The following DLGAP2 variants were observed in gnomAD, a reference collection of about 807,000 sequenced individuals.
DLGAP2 encodes the protein DLG associated protein 2.
A neutral mutation model predicts 100.3 loss-of-function variants in DLGAP2; 26 were observed. The observed-to-expected ratio is 0.26, with a 90% CI of 0.19 to 0.36. The LOEUF is 0.36. DLGAP2 is among the 10% of genes least tolerant of loss of function. The pLI, the probability that DLGAP2 is intolerant of heterozygous loss-of-function variation, is 1.00. For missense variants in DLGAP2, 1,858 were observed against 1,453.2 expected, an observed-to-expected ratio of 1.28 and a Z score of -4.53; for synonymous variants, 886 against 630.1, an observed-to-expected ratio of 1.41 and a Z score of -6.08.
intron 2 of DLGAP2, among the ~76,000 whole-genome samples, chr8:1,236,975 G>A (rs1445295070): frequency 1.9e-3 from 272 of 141,540 alleles, no homozygotes; most frequent in African/African-American, 5.7e-3. Context: ...ACATGGTGCC[G>A]TGTCTAGTTC....
chr8:1,571,306 C>T (rs1971655), intron 6 of DLGAP2, among the ~76,000 whole-genome samples: 56,078 of 91,120 alleles, frequency 0.62, 14,703 homozygotes, highest in Middle Eastern at 0.72. Context: ...GTGAACTGTG[C>T]GGGCATCTGA....
At chr8:937,039 T>C (rs1799087749) in intron 2 of DLGAP2, among the ~76,000 whole-genome samples, 1 of 152,190 alleles carries the variant, frequency 6.6e-6, no homozygotes, top group Non-Finnish European at 1.5e-5. Context: ...ACAGAGGTCT[T>C]GCCATGATGG....
intron 2 of DLGAP2, among the ~76,000 whole-genome samples, chr8:1,206,777 C>T (rs1314326875): frequency 6.6e-6 from 1 of 152,234 alleles, no homozygotes; most frequent in Non-Finnish European, 1.5e-5. Flanking sequence ...TCTGCCATCG[C>T]TGCTACCATT....
chr8:1,160,797 G>C (rs1369729310), intron 2 of DLGAP2, among the ~76,000 whole-genome samples: 1 of 152,088 alleles, frequency 6.6e-6, no homozygotes, highest in African/African-American at 2.4e-5. Flanking sequence ...AGCCTGGCAG[G>C]GATGGTTTTT....
At chr8:1,268,704 C>T (rs1437186766) in intron 3 of DLGAP2, among the ~76,000 whole-genome samples, 3 of 152,222 alleles carry the variant, frequency 2.0e-5, no homozygotes, top group African/African-American at 7.2e-5. Flanking sequence ...TTACATGTCT[C>T]TGCAGAAGCC....
At chr8:744,256 G>C (rs1240038651) in intron 1 of DLGAP2, among the ~76,000 whole-genome samples, 1 of 152,088 alleles carries the variant, frequency 6.6e-6, no homozygotes, top group African/African-American at 2.4e-5. Context: ...GGTTGGGAAG[G>C]TTTCTCTGTG....
At chr8:849,125 G>C (rs2055513) in intron 1 of DLGAP2, among the ~76,000 whole-genome samples, 20,158 of 151,302 alleles carry the variant, frequency 0.13, 1,947 homozygotes, top group East Asian at 0.52. Flanking sequence ...GTCTGTTCTG[G>C]TATAGGATCA....
chr8:759,434 G>A (rs946085144), intron 1 of DLGAP2, among the ~76,000 whole-genome samples: 7 of 152,062 alleles, frequency 4.6e-5, no homozygotes, highest in East Asian at 1.9e-4. Context: ...GTTGGGACAC[G>A]TTCCCGGGGT....
chr8:1,205,991 A>T (rs979666509), intron 2 of DLGAP2, among the ~76,000 whole-genome samples: 2 of 152,322 alleles, frequency 1.3e-5, no homozygotes, highest in South Asian at 4.2e-4. Context: ...CATCTCAAGG[A>T]AACAAAAGTG....
At chr8:1,290,641 G>C (rs1247319205) in intron 3 of DLGAP2, among the ~76,000 whole-genome samples, 1 of 152,212 alleles carries the variant, frequency 6.6e-6, no homozygotes, top group Non-Finnish European at 1.5e-5. Context: ...TCCGTGGCAG[G>C]ACGGTGGCTG....
At chr8:1,346,607 T>C (rs1801563478) in intron 3 of DLGAP2, among the ~76,000 whole-genome samples, 1 of 151,504 alleles carries the variant, frequency 6.6e-6, no homozygotes, top group South Asian at 2.1e-4. Context: ...TCATGGTAGC[T>C]GTGTGGAGGT....
At chr8:893,525 G>T (rs957543983) in intron 1 of DLGAP2, among the ~76,000 whole-genome samples, 1 of 152,234 alleles carries the variant, frequency 6.6e-6, no homozygotes, top group African/African-American at 2.4e-5. Flanking sequence ...GAAGGGGAGG[G>T]TGGGGTTAGA....
At chr8:742,936 G>T (rs987378110) in intron 1 of DLGAP2, among the ~76,000 whole-genome samples, 1 of 152,154 alleles carries the variant, frequency 6.6e-6, no homozygotes, top group Non-Finnish European at 1.5e-5. Flanking sequence ...TGATAAGAAT[G>T]GTGCACGTAG....
chr8:860,418 G>C (rs1008064643), intron 1 of DLGAP2, among the ~76,000 whole-genome samples: 1 of 152,330 alleles, frequency 6.6e-6, no homozygotes, highest in East Asian at 1.9e-4. Context: ...CACTTTCAAG[G>C]CTCTCCATTA....
At chr8:1,182,665 G>C (rs540170851) in intron 2 of DLGAP2, among the ~76,000 whole-genome samples, 1 of 152,330 alleles carries the variant, frequency 6.6e-6, no homozygotes, top group African/African-American at 2.4e-5. Context: ...GGTGAGTTGG[G>C]CATTGAGCTG....
At chr8:1,511,089 T>C (rs1367591950) in intron 4 of DLGAP2, among the ~76,000 whole-genome samples, 3 of 152,276 alleles carry the variant, frequency 2.0e-5, no homozygotes, top group Non-Finnish European at 4.4e-5. Flanking sequence ...CATCGTCATT[T>C]TCACCACACT....
At chr8:948,991 G>A (rs1799406117) in intron 2 of DLGAP2, among the ~76,000 whole-genome samples, 1 of 151,204 alleles carries the variant, frequency 6.6e-6, no homozygotes, top group South Asian at 2.1e-4. Flanking sequence ...GGAGTCGCCG[G>A]GGTGGGAGCA....
intron 2 of DLGAP2, among the ~76,000 whole-genome samples, chr8:1,119,629 C>G (rs17065689): frequency 0.16 from 25,040 of 152,222 alleles, 2,494 homozygotes; most frequent in African/African-American, 0.28. Flanking sequence ...ACGCTGTTTC[C>G]TCATGTGAAC....
chr8:1,250,646 C>T (rs1563039736), intron 2 of DLGAP2: 1 of 152,146 alleles, frequency 6.6e-6, no homozygotes, highest in African/African-American at 2.4e-5. Context: ...GTGCATCTGA[C>T]TTTCACGGTT....
Sources: gnomAD v4.1 joint callset for allele counts (sites outside exome capture counted in the v4.1 genomes callset) on GRCh38, gnomAD v4.1.1 for gene constraint, MANE v1.5 for transcripts, NCBI Gene and HGNC (gene_info 2026-07-23, HGNC 2026-07-21) for gene names.